Variants in UVRAG observed in about 807,000 individuals in gnomAD.
UVRAG encodes UV radiation resistance-associated gene protein.
In UVRAG, 19 loss-of-function variants were observed where a neutral mutation model predicts 78.0. The observed-to-expected ratio is 0.24, with a 90% confidence interval of 0.17 to 0.36. The LOEUF is 0.36. Among genes scored for constraint, UVRAG ranks in the 10% least tolerant of loss-of-function variants. The pLI, the probability that UVRAG is intolerant of heterozygous loss-of-function variation, is 1.00. For missense variants in UVRAG, 740 were observed against 853.8 expected (o/e 0.87, Z 1.66); for synonymous variants, 323 against 324.6 (o/e 1.00, Z 0.05).
rs536316711 is a variant in UVRAG at position 76,060,399 on chromosome 11, G to A, written c.1227-5311G>A. On this transcript the variant is annotated intron_variant, in intron 12 of 14. Transcript: ENST00000356136. ...GAAGGAAAAAATGAAATTGAGGGGT[G>A]ACAGCGTGCTGACAGCCCTCACTCG... is the stretch of plus-strand genomic sequence containing the variant. 2.4e-4 allele frequency among the ~76,000 whole-genome samples: 36 copies of A among 152,338 alleles called. No homozygotes were observed. The South Asian group carries it at 7.0e-3, about 30-fold the overall frequency.
chr11:75,912,168 A>G (rs1265652815), intron 6 of UVRAG, 129 bp downstream of exon 6: 1 of 655,840 alleles, frequency 1.5e-6, no homozygotes, highest in South Asian at 2.0e-5. Context: ...TTTTAGTGCA[A>G]GCGTCATAAA....
intron 1 of UVRAG, among the ~76,000 whole-genome samples, chr11:75,831,442 C>T (rs868695464): frequency 2.0e-5 from 3 of 151,630 alleles, no homozygotes; most frequent in African/African-American, 4.8e-5. Context: ...TAGCCAAGAT[C>T]GCACCATTGC....
chr11:75,926,003 G>A (rs555904887), intron 6 of UVRAG, among the ~76,000 whole-genome samples: 1 of 151,848 alleles, frequency 6.6e-6, no homozygotes, highest in East Asian at 1.9e-4. Flanking sequence ...CTCTTGTTGA[G>A]ACTTCCTTAT....
In UVRAG at chr11:76,129,923, A is replaced by ACT. The variant is rs1411537766; in HGVS notation, c.1398-10780_1398-10779dup. On this transcript the variant is annotated intron_variant, in intron 14 of 14. Transcript: ENST00000356136. ...GACACACACACTCACTCACTCTCAC[A>ACT]CTCTCTCTCGCTCTCTCTCTCTCTC... Among the ~76,000 whole-genome samples the ACT allele has an allele frequency of 3.0e-4, 44 of 145,812 alleles. 1 individual carries two copies. The South Asian group carries it at 9.2e-3, about 31-fold the overall frequency.
rs1555080662 is a variant in UVRAG at position 75,884,240 on chromosome 11, T to TCTCTCTCTC, written c.432+4200_432+4201insCTCTCTCTC. Among the ~76,000 whole-genome samples the TCTCTCTCTC allele has an allele frequency of 3.8e-5, 5 of 132,558 alleles. No homozygotes were observed. In the South Asian group the frequency reaches 1.0e-3, roughly 27 times the overall value. The allele number at this position is 132,558 out of a possible 152,430, so 87.0% of individuals were successfully genotyped here. The stretch of plus-strand genomic sequence containing the variant: ...TCTCTCTCTCTCTCTCTCTCTCTCT[T>TCTCTCTCTC]TCTCTCTCTCTCTCTGTGTGAAGTG... On this transcript the variant is annotated intron_variant, in intron 4 of 14. Coordinates refer to ENST00000356136, the MANE Select transcript of UVRAG (RefSeq NM_003369.4).
At chr11:75,898,319 T>G (rs1295341330) in intron 5 of UVRAG, among the ~76,000 whole-genome samples, 2 of 152,222 alleles carry the variant, frequency 1.3e-5, no homozygotes, top group Non-Finnish European at 2.9e-5. Flanking sequence ...TTCCGTGACT[T>G]AATCATTTCT....
At position 76,142,554 on chromosome 11, in the gene UVRAG, T is replaced by A. The variant is rs1952741119; in HGVS notation, c.*1141T>A. On this transcript the variant is annotated 3_prime_UTR_variant, in exon 15 of 15. Transcript: ENST00000356136. ...ATTTGCTGTTGCTTTATACGTTACG[T>A]ACCCAAGGACATTGCCTCAGGGTTG... The A allele has an allele frequency of 6.5e-6, 1 of 152,678 alleles. No homozygotes were observed. Among genetic ancestry groups the A allele is most frequent in the Non-Finnish European group, 1.5e-5 (1 of 68,042 alleles). 9.5% of individuals were successfully genotyped at this position (152,678 alleles called of 1,614,324 possible).
At chr11:76,018,436 A>C (rs532744766) in intron 12 of UVRAG, among the ~76,000 whole-genome samples, 3 of 151,714 alleles carry the variant, frequency 2.0e-5, no homozygotes, top group Admixed American at 2.0e-4. Context: ...TTTGAGATGG[A>C]GTCTTGCTCT....
At chr11:76,098,901 C>T (rs910607114) in intron 13 of UVRAG, among the ~76,000 whole-genome samples, 6 of 152,044 alleles carry the variant, frequency 3.9e-5, no homozygotes, top group Admixed American at 6.6e-5. Context: ...CTCTGTTGTT[C>T]GAAATTAAAT....
intron 6 of UVRAG, among the ~76,000 whole-genome samples, chr11:75,958,589 C>T (rs2135193081): frequency 1.3e-5 from 2 of 152,276 alleles, no homozygotes; most frequent in African/African-American, 4.8e-5. Flanking sequence ...CAGTTACTTC[C>T]TCCACTGAAG....
chr11:75,940,054 A>G (rs982420506), intron 6 of UVRAG, among the ~76,000 whole-genome samples: 1 of 152,216 alleles, frequency 6.6e-6, no homozygotes, highest in Non-Finnish European at 1.5e-5. Context: ...TCTGGCAGCA[A>G]CTTTTAAACT....
chr11:75,983,713 T>G, intron 8 of UVRAG, 200 bp downstream of exon 8: 2 of 635,970 alleles, frequency 3.1e-6, no homozygotes, highest in East Asian at 6.3e-5. Flanking sequence ...CAAGCTCAGA[T>G]GGTATAAACT....
In UVRAG at chr11:75,858,422, A is replaced by G. The variant is rs117632611; in HGVS notation, c.236-3324A>G. Among the ~76,000 whole-genome samples the G allele has an allele frequency of 7.2e-3, 1,100 of 152,134 alleles. 14 individuals are homozygous for G. Among genetic ancestry groups the G allele is most frequent in the Non-Finnish European group, 0.013 (853 of 68,004 alleles). ...CTTACTGTCTTAGGGTTTTCTCCAT[A>G]TTGGTTCATAGACAGCATCCCTGTA... On this transcript the variant is annotated intron_variant, in intron 2 of 14. Transcript: ENST00000356136.
At chr11:75,862,543 G>C (rs1565350808) in intron 3 of UVRAG, among the ~76,000 whole-genome samples, 2 of 152,130 alleles carry the variant, frequency 1.3e-5, no homozygotes, top group African/African-American at 4.8e-5. Flanking sequence ...TGTTCCAGGT[G>C]TACCTCTTTC....
chr11:75,920,467 A>G (rs1947956600), intron 6 of UVRAG, among the ~76,000 whole-genome samples: 1 of 152,182 alleles, frequency 6.6e-6, no homozygotes, highest in Non-Finnish European at 1.5e-5. Context: ...AGACACACAT[A>G]TACACACACA....
At chr11:75,985,101 C>G (rs1414356132) in intron 8 of UVRAG, among the ~76,000 whole-genome samples, 1 of 151,492 alleles carries the variant, frequency 6.6e-6, no homozygotes, top group Admixed American at 6.6e-5. Context: ...GCCAGTTTAT[C>G]TCCCCTCTGT....
At chr11:76,106,394 C>T (rs1420913373) in intron 13 of UVRAG, among the ~76,000 whole-genome samples, 2 of 151,784 alleles carry the variant, frequency 1.3e-5, no homozygotes, top group Non-Finnish European at 2.9e-5. Flanking sequence ...AAGATGGAAT[C>T]CCGCTCTGTT....
chr11:76,041,358 G>A (rs1444673424), intron 12 of UVRAG, among the ~76,000 whole-genome samples: 1 of 152,206 alleles, frequency 6.6e-6, no homozygotes, highest in Non-Finnish European at 1.5e-5. Context: ...AGGAAGTGAG[G>A]TATATCCAGC....
chr11:76,059,292 T>A (rs1591186976), intron 12 of UVRAG, among the ~76,000 whole-genome samples: 1 of 152,304 alleles, frequency 6.6e-6, no homozygotes, highest in South Asian at 2.1e-4. Context: ...ATATAACAAC[T>A]AAGTATGTAA....
Sources: gnomAD v4.1 joint callset for allele counts (sites outside exome capture counted in the v4.1 genomes callset) on GRCh38, gnomAD v4.1.1 for gene constraint, MANE v1.5 for transcripts, NCBI Gene and HGNC (gene_info 2026-07-23, HGNC 2026-07-21) for gene names.